SBF2: variants seen among roughly 807,000 people sequenced by gnomAD.
SBF2 encodes myotubularin-related protein 13.
SBF2 carries 112 observed loss-of-function variants against 225.2 expected under a neutral mutation model. The observed-to-expected ratio is 0.50, with a 90% CI of 0.43 to 0.58. The LOEUF (loss-of-function observed/expected upper bound fraction) is 0.58, where lower values mean the gene tolerates loss of function less well. Among genes scored for constraint, SBF2 ranks in the 20% least tolerant of loss-of-function variants. SBF2 has a pLI of 0.00. For synonymous variants in SBF2, 763 were observed against 773.3 expected (o/e 0.99, Z 0.22); for missense variants, 1,996 against 2,206.2 (o/e 0.90, Z 1.91).
chr11:9,807,944 C>T, intron 32 of SBF2, 56 bp downstream of exon 32: 1 of 1,469,362 alleles, frequency 6.8e-7, no homozygotes, highest in African/African-American at 1.4e-5. Flanking sequence ...TCCATCAATG[C>T]TAGTATGTTG....
At chr11:10,196,866 A>ATATATATATATATATTTTTTTTTTTT in intron 1 of SBF2, among the ~76,000 whole-genome samples, 2 of 99,312 alleles carry the variant, frequency 2.0e-5, no homozygotes, top group African/African-American at 8.1e-5. Context: ...ATATATATAT[A>ATATATATATATATATTTTTTTTTTTT]TTTTTTTTTT....
At chr11:9,797,813 AAAAC>A (rs569074498) in intron 32 of SBF2, among the ~76,000 whole-genome samples, 3 of 152,196 alleles carry the variant, frequency 2.0e-5, no homozygotes, top group Admixed American at 6.5e-5. Flanking sequence ...TACAAAAATT[AAAAC>A]AAACAATTAG....
intron 17 of SBF2, among the ~76,000 whole-genome samples, chr11:9,888,518 A>G (rs1168156214): frequency 6.6e-6 from 1 of 151,286 alleles, no homozygotes; most frequent in African/African-American, 2.4e-5. Context: ...AAAAAAAAAG[A>G]GAAATATATG....
chr11:10,074,308 A>T (rs1951011631), intron 2 of SBF2, among the ~76,000 whole-genome samples: 1 of 152,210 alleles, frequency 6.6e-6, no homozygotes, highest in Non-Finnish European at 1.5e-5. Flanking sequence ...GCTTATTAGC[A>T]CTATATTTGA....
intron 1 of SBF2, among the ~76,000 whole-genome samples, chr11:10,282,865 T>C (rs1046423192): frequency 5.3e-5 from 8 of 152,098 alleles, no homozygotes; most frequent in Admixed American, 1.3e-4. Context: ...CTAAATTCTA[T>C]AGCCTGATAT....
intron 2 of SBF2, among the ~76,000 whole-genome samples, chr11:10,101,643 G>GTC (rs1050334848): frequency 9.6e-5 from 13 of 135,318 alleles, no homozygotes; most frequent in Non-Finnish European, 1.7e-4. Context: ...TTTCTGGTGT[G>GTC]TCTCTCTCTC....
At chr11:10,196,458 C>T (rs888867183) in intron 1 of SBF2, among the ~76,000 whole-genome samples, 8 of 152,096 alleles carry the variant, frequency 5.3e-5, no homozygotes, top group Admixed American at 2.6e-4. Context: ...TCGCTCACCG[C>T]AGCCTTGACC....
intron 2 of SBF2, among the ~76,000 whole-genome samples, chr11:10,144,883 A>G (rs573831029): frequency 4.9e-4 from 75 of 152,336 alleles, no homozygotes; most frequent in African/African-American, 1.7e-3. Flanking sequence ...ATAAATACTA[A>G]GCGTCAAGCA....
At chr11:10,104,933 A>G (rs10840368) in intron 2 of SBF2, among the ~76,000 whole-genome samples, 35,751 of 152,076 alleles carry the variant, frequency 0.24, 4,606 homozygotes, top group East Asian at 0.46. Context: ...CATTCCTGGA[A>G]TAAAGTCCAC....
chr11:9,807,428 A>G (rs943338936), intron 32 of SBF2, among the ~76,000 whole-genome samples: 1 of 152,340 alleles, frequency 6.6e-6, no homozygotes, highest in South Asian at 2.1e-4. Context: ...TTTGCTTAGG[A>G]TAATGGCCTC....
At chr11:10,236,538 C>A (rs1959085164) in intron 1 of SBF2, among the ~76,000 whole-genome samples, 1 of 152,174 alleles carries the variant, frequency 6.6e-6, no homozygotes, top group African/African-American at 2.4e-5. Context: ...CAGCTCGCTG[C>A]AACCTCCGCC....
At chr11:10,299,028 G>T (rs1964572760), upstream of SBF2, among the ~76,000 whole-genome samples, 1 of 152,110 alleles carries the variant, frequency 6.6e-6, no homozygotes. Context: ...GCAAAGAAAA[G>T]GCTTCATAGA....
chr11:9,811,520 T>C (rs1854182912), intron 30 of SBF2, among the ~76,000 whole-genome samples: 1 of 152,124 alleles, frequency 6.6e-6, no homozygotes, highest in Non-Finnish European at 1.5e-5. Context: ...AGGGGTCCGT[T>C]TGGAGCTGGG....
intron 10 of SBF2, 80 bp downstream of exon 10, chr11:9,993,840 TC>T: frequency 1.4e-6 from 2 of 1,396,400 alleles, no homozygotes; most frequent in Non-Finnish European, 2.0e-6. Context: ...AACTCTAACT[TC>T]ACTTAGCTTC....
intron 14 of SBF2, among the ~76,000 whole-genome samples, chr11:9,966,382 G>A (rs1259161848): frequency 6.6e-6 from 1 of 152,152 alleles, no homozygotes; most frequent in East Asian, 1.9e-4. Flanking sequence ...GAGCCACCAC[G>A]CCCAGCCAGA....
At chr11:9,829,593 T>A in intron 27 of SBF2, 97 bp from the exon 28 acceptor site, 1 of 1,101,448 alleles carries the variant, frequency 9.1e-7, no homozygotes, top group Non-Finnish European at 1.4e-6. Context: ...TCTATGCTTA[T>A]TTTTCTCTAT....
At chr11:10,254,838 T>C (rs61889815) in intron 1 of SBF2, among the ~76,000 whole-genome samples, 15,316 of 127,248 alleles carry the variant, frequency 0.12, 943 homozygotes, top group Middle Eastern at 0.17. Context: ...GAGGTGGAGG[T>C]TGCAGTGAGC....
intron 16 of SBF2, among the ~76,000 whole-genome samples, chr11:9,950,612 T>C (rs1017781578): frequency 1.3e-5 from 2 of 152,190 alleles, no homozygotes; most frequent in Non-Finnish European, 2.9e-5. Flanking sequence ...TGGCACAATA[T>C]TGACCAGCTG....
chr11:10,234,616 T>C (rs150069098), intron 1 of SBF2, among the ~76,000 whole-genome samples: 25 of 152,322 alleles, frequency 1.6e-4, no homozygotes, highest in Non-Finnish European at 2.6e-4. Context: ...AAATTTTCCA[T>C]GTGCAGCTAT....
Sources: gnomAD v4.1 joint callset for allele counts (sites outside exome capture counted in the v4.1 genomes callset) on GRCh38, gnomAD v4.1.1 for gene constraint, MANE v1.5 for transcripts, NCBI Gene and HGNC (gene_info 2026-07-23, HGNC 2026-07-21) for gene names.